Variants in CDH8 observed in about 807,000 individuals in gnomAD.
CDH8 encodes cadherin 8, also known as cadherin-8.
In CDH8, 17 loss-of-function variants were observed where a neutral mutation model predicts 68.1. That is an observed-to-expected ratio of 0.25 (90% confidence interval 0.17 to 0.37). CDH8 has a LOEUF of 0.37. Among genes scored for constraint, CDH8 ranks in the 10% least tolerant of loss-of-function variants. CDH8 has a pLI of 1.00. For synonymous variants in CDH8, 372 were observed against 365.1 expected (o/e 1.02, Z -0.21); for missense variants, 763 against 999.3 (o/e 0.76, Z 3.19).
At chr16:61,769,843 T>C (rs1371654361) in intron 8 of CDH8, among the ~76,000 whole-genome samples, 1 of 151,926 alleles carries the variant, frequency 6.6e-6, no homozygotes, top group Non-Finnish European at 1.5e-5. Context: ...GCTATTTTTA[T>C]GATTTTGCAA....
At chr16:61,728,446 T>C (rs1422150310) in intron 8 of CDH8, among the ~76,000 whole-genome samples, 1 of 151,092 alleles carries the variant, frequency 6.6e-6, no homozygotes, top group Non-Finnish European at 1.5e-5. Flanking sequence ...GAGGGATTAA[T>C]GGAACTTGAC....
At position 61,647,538 on chromosome 16, in the gene CDH8, C is replaced by T. The variant is rs966729119; in HGVS notation, c.*6070G>A. 4.8e-6 allele frequency: 2 copies of T among 412,900 alleles called. No individual in the cohort carries two copies. The highest frequency in any genetic ancestry group is 4.2e-5 in the Admixed American group (1 of 23,652). The allele number at this position is 412,900 out of a possible 1,614,324, so 25.6% of individuals were successfully genotyped here. A position where few individuals can be genotyped will look rare whatever the true frequency, so the allele number is the denominator to read the frequency against. ...TTAGAGCATAATTGTTAAAATCTTC[C>T]TCTTATTTGTGAGGGATCATAGGAT... On this transcript the variant is annotated 3_prime_UTR_variant, in exon 12 of 12. Transcript: ENST00000577390.
intron 10 of CDH8, among the ~76,000 whole-genome samples, chr16:61,691,327 T>C (rs2142830650): frequency 6.6e-6 from 1 of 152,184 alleles, no homozygotes; most frequent in African/African-American, 2.4e-5. Context: ...ATTTGCACTA[T>C]CAAGCTCTGT....
intron 2 of CDH8, among the ~76,000 whole-genome samples, chr16:61,947,233 A>C (rs1224317180): frequency 2.0e-5 from 3 of 152,224 alleles, no homozygotes; most frequent in African/African-American, 7.2e-5. Flanking sequence ...CAATGACTAC[A>C]AAGACATGAG....
chr16:61,902,867 T>C (rs1964001424), intron 2 of CDH8, among the ~76,000 whole-genome samples: 1 of 152,210 alleles, frequency 6.6e-6, no homozygotes, highest in South Asian at 2.1e-4. Context: ...ATCCCTTTCA[T>C]TTATTGTATA....
At chr16:61,848,641 C>G (rs1962870940) in intron 4 of CDH8, among the ~76,000 whole-genome samples, 1 of 152,012 alleles carries the variant, frequency 6.6e-6, no homozygotes, top group South Asian at 2.1e-4. Context: ...AGCTAGCTGT[C>G]CTCTTAACTA....
At chr16:61,943,018 C>T (rs954772480) in intron 2 of CDH8, among the ~76,000 whole-genome samples, 2 of 152,158 alleles carry the variant, frequency 1.3e-5, no homozygotes, top group African/African-American at 4.8e-5. Flanking sequence ...TGAGATGCTG[C>T]CACTGCACCA....
chr16:61,670,629 A>T (rs1370748010), intron 10 of CDH8, among the ~76,000 whole-genome samples: 1 of 152,098 alleles, frequency 6.6e-6, no homozygotes, highest in Non-Finnish European at 1.5e-5. Flanking sequence ...TTACTTGTTG[A>T]TTAAAATGTT....
intron 2 of CDH8, among the ~76,000 whole-genome samples, chr16:61,985,217 G>A (rs974986429): frequency 2.6e-5 from 4 of 151,748 alleles, no homozygotes; most frequent in Admixed American, 2.6e-4. Context: ...ATATTATTTG[G>A]GAGTTAAATA....
intron 1 of CDH8, among the ~76,000 whole-genome samples, chr16:62,024,931 G>A (rs1401190686): frequency 1.3e-5 from 2 of 152,168 alleles, no homozygotes; most frequent in South Asian, 2.1e-4. Flanking sequence ...ACTGGGGAGA[G>A]AAAGGCAAAT....
intron 2 of CDH8, among the ~76,000 whole-genome samples, chr16:61,998,685 T>G (rs769771058): frequency 1.6e-4 from 25 of 152,184 alleles, no homozygotes; most frequent in Non-Finnish European, 3.1e-4. Context: ...AGCCCATGGA[T>G]CAAAGGACCT....
In CDH8 at chr16:61,650,992, C is replaced by T. The variant is rs1000423232; in HGVS notation, c.*2616G>A. The T allele has an allele frequency of 6.6e-6, 1 of 152,084 alleles. No individual in the cohort carries two copies. Among genetic ancestry groups the T allele is most frequent in the Non-Finnish European group, 1.5e-5 (1 of 68,004 alleles). The allele number at this position is 152,084 out of a possible 1,614,324, so 9.4% of individuals were successfully genotyped here. ...CAACTAGTAGAGCAGACATTATCTCCTGCTCACAGAAACCACTGTACGAAG... is the reference window on the plus strand; with the variant it reads ...CAACTAGTAGAGCAGACATTATCTCTTGCTCACAGAAACCACTGTACGAAG... On this transcript the variant is annotated 3_prime_UTR_variant, in exon 12 of 12. Transcript: ENST00000577390.
At chr16:61,857,320 C>T (rs1456776485) in intron 3 of CDH8, 82 bp from the exon 4 acceptor site, 21 of 1,271,806 alleles carry the variant, frequency 1.7e-5, no homozygotes, top group Non-Finnish European at 2.3e-5. Context: ...GTATTTTATA[C>T]AGAAATCCAT....
At chr16:61,709,809 A>G (rs1216127929) in intron 10 of CDH8, among the ~76,000 whole-genome samples, 2 of 151,624 alleles carry the variant, frequency 1.3e-5, no homozygotes, top group Non-Finnish European at 2.9e-5. Flanking sequence ...AAATACTTTC[A>G]TAGTTGGTCC....
intron 2 of CDH8, among the ~76,000 whole-genome samples, chr16:61,923,684 T>G (rs1363798003): frequency 6.6e-6 from 1 of 150,518 alleles, no homozygotes; most frequent in Non-Finnish European, 1.5e-5. Flanking sequence ...GAATATTGTC[T>G]CAGGTTATTA....
chr16:61,919,016 C>G (rs574904620), intron 2 of CDH8, among the ~76,000 whole-genome samples: 3 of 147,430 alleles, frequency 2.0e-5, no homozygotes, highest in Non-Finnish European at 4.5e-5. Flanking sequence ...CCCTGACCCC[C>G]GAGCAGCCTA....
In CDH8 at chr16:61,800,320, A is replaced by G. The variant is rs1961593054; in HGVS notation, c.1278-10838T>C. ...CCCACACGGTCTCACCCGGTCTTGT[A>G]CAATTAAACAAATGCAAAATGCAAG... On this transcript the variant is annotated intron_variant, in intron 7 of 11. Transcript: ENST00000577390. 2.0e-5 allele frequency among the ~76,000 whole-genome samples: 3 copies of G among 152,186 alleles called. No individual in the cohort carries two copies. In the South Asian group the frequency reaches 6.2e-4, roughly 31 times the overall value.
At chr16:61,895,906 T>C (rs1283184928) in intron 3 of CDH8, among the ~76,000 whole-genome samples, 2 of 151,900 alleles carry the variant, frequency 1.3e-5, no homozygotes, top group East Asian at 1.9e-4. Flanking sequence ...GTATACACTA[T>C]AGAGATAGAG....
intron 8 of CDH8, among the ~76,000 whole-genome samples, chr16:61,760,187 A>G (rs1223507301): frequency 6.6e-6 from 1 of 152,174 alleles, no homozygotes; most frequent in African/African-American, 2.4e-5. Flanking sequence ...CCTTACCCAT[A>G]CTATACATTT....
Sources: allele counts gnomAD v4.1 joint callset (sites outside exome capture counted in the v4.1 genomes callset), GRCh38; gene constraint gnomAD v4.1.1; transcripts MANE v1.5; gene names NCBI Gene and HGNC (gene_info 2026-07-23, HGNC 2026-07-21).